ZNF397: variants seen among roughly 807,000 people sequenced by gnomAD.
ZNF397 encodes zinc finger and SCAN domain-containing protein 15.
In ZNF397, 38 loss-of-function variants were observed where a neutral mutation model predicts 50.6. The ratio of observed to expected loss-of-function variants is 0.75; its 90% confidence interval spans 0.58 to 0.98. The LOEUF (loss-of-function observed/expected upper bound fraction) is 0.98. Ranked by LOEUF, ZNF397 falls within the 50% of genes least tolerant of loss-of-function variation. The probability of loss-of-function intolerance (pLI) is 0.00; values close to 1 mark genes in which losing one functional copy is unlikely to be tolerated. For missense variants in ZNF397, 624 were observed against 624.1 expected (o/e 1.00, Z 0.00); for synonymous variants, 228 against 215.2 (o/e 1.06, Z -0.52).
rs1391052144 is a variant in ZNF397, at chr18:35,245,349, T to C, written c.644T>C (p.Ile215Thr). The change falls in exon 4 of 4, where the codon ATT becomes ACT. Residue 215 changes from isoleucine to threonine, a missense_variant. Physicochemically the swap from Ile to Thr is moderately conservative, Grantham distance 89. Transcript: ENST00000330501. ...CCTCAGGAACCTTCATTTCGAGGAA[T>C]TAGTGAGCATGAAAGCAATTTAGTG... ...GLPQEPSFRG[I>T]SEHESNLVWK... 6.2e-7 allele frequency: 1 copy of C among 1,612,312 alleles called. No individual in the cohort carries two copies. Among genetic ancestry groups the C allele is most frequent in the Non-Finnish European group, 8.5e-7 (1 of 1,179,046 alleles).
chr18:35,253,415 T>A (rs753604458), downstream of ZNF397: 1 of 1,513,620 alleles, frequency 6.6e-7, no homozygotes, highest in Admixed American at 2.2e-5. Flanking sequence ...GTGAACTCCT[T>A]GCATTTCACA....
At chr18:35,253,530 A>G, downstream of ZNF397, 9 of 1,613,540 alleles carry the variant, frequency 5.6e-6, no homozygotes, top group Non-Finnish European at 7.6e-6. Flanking sequence ...CTACATTCAT[A>G]AGGCTTCTCT....
chr18:35,243,390 G>A lies in ZNF397; in HGVS notation c.556+97G>A, dbSNP rs950154892. ...CACTTGACAAACTTGCCACATGTGAGCATCACCTTTATTATTCTAAACCAG... is the reference window on the plus strand; with the variant it reads ...CACTTGACAAACTTGCCACATGTGAACATCACCTTTATTATTCTAAACCAG... On this transcript the variant is annotated intron_variant, in intron 3 of 3. Transcript: ENST00000330501. 1.9e-6 allele frequency: 3 copies of A among 1,565,658 alleles called. No homozygotes were observed. In the African/African-American group the frequency reaches 4.1e-5, roughly 21 times the overall value.
At chr18:35,241,308 C>G (rs1009106148) in intron 1 of ZNF397, 199 bp downstream of exon 1, 16 of 152,202 alleles carry the variant, frequency 1.1e-4, no homozygotes, top group African/African-American at 3.6e-4. Context: ...TTCCGCTGAC[C>G]CCGTGACTTC....
intron 2 of ZNF397, 95 bp downstream of exon 2, chr18:35,242,979 C>T: frequency 6.7e-7 from 1 of 1,499,084 alleles, no homozygotes; most frequent in South Asian, 1.3e-5. Context: ...TATGTCTCTA[C>T]TGAACCCTAA....
chr18:35,250,202 T>C (rs2143625235), downstream of ZNF397, among the ~76,000 whole-genome samples: 1 of 152,272 alleles, frequency 6.6e-6, no homozygotes. Context: ...CTTTGATTAT[T>C]AGAGTTTTTC....
Position 35,245,891 on chromosome 18 carries a change from CCTT to C in ZNF397, c.1187_1189del (p.Pro396_Tyr397delinsHis). On this transcript the variant is annotated inframe_deletion, in exon 4 of 4. Transcript: ENST00000330501. ...TCAAAGAATTCACACTGGTGAGAAA[CCTT>C]ATGAGTGTAATGAATGTGGGAAAAC... 1.9e-6 allele frequency: 3 copies of C among 1,562,012 alleles called. No individual in the cohort carries two copies. The highest frequency in any genetic ancestry group is 2.6e-6 in the Non-Finnish European group (3 of 1,153,104).
At chr18:35,243,409 A>G in intron 3 of ZNF397, 116 bp downstream of exon 3, 1 of 1,488,366 alleles carries the variant, frequency 6.7e-7, no homozygotes, top group Non-Finnish European at 9.3e-7. Context: ...TTATTATTCT[A>G]AACCAGAGGT....
At position 35,245,907 on chromosome 18, in the gene ZNF397, A is replaced by G; in HGVS notation, c.1202A>G (p.Glu401Gly). The change falls in exon 4 of 4, where the codon GAA (glutamate) becomes GGA (glycine). Residue 401 changes from glutamate (E) to glycine (G), a missense_variant. Physicochemically the swap from Glu to Gly is moderately conservative, Grantham distance 98. Coordinates refer to ENST00000330501, the MANE Select transcript of ZNF397 (RefSeq NM_001135178.3). ...GGTGAGAAACCTTATGAGTGTAATGAATGTGGGAAAACCTTTAGCCAGAGC... is the reference window on the plus strand; with the variant it reads ...GGTGAGAAACCTTATGAGTGTAATGGATGTGGGAAAACCTTTAGCCAGAGC... ...HTGEKPYECNECGKTFSQSSK... is the reference protein window; with the variant it reads ...HTGEKPYECNGCGKTFSQSSK... The G allele has an allele frequency of 1.3e-6, 2 of 1,567,636 alleles. No individual in the cohort carries two copies. Among genetic ancestry groups the G allele is most frequent in the Middle Eastern group, 1.7e-4 (1 of 6,010 alleles).
At position 35,249,432 on chromosome 18, in the gene ZNF397, A is replaced by G. The variant is rs1012163015; in HGVS notation, c.*3122A>G. On this transcript the variant is annotated 3_prime_UTR_variant, in exon 4 of 4. Transcript: ENST00000330501. ...TTTGGGAGGCTGAGGCGGGTGGATC[A>G]CCTGAGATCAGGAGTTCGAGACCAG... 6.6e-6 allele frequency: 1 copy of G among 152,148 alleles called. No individual in the cohort carries two copies. Among genetic ancestry groups the G allele is most frequent in the Non-Finnish European group, 1.5e-5 (1 of 68,072 alleles). 9.4% of individuals were successfully genotyped at this position (152,148 alleles called of 1,614,324 possible). A position where few individuals can be genotyped will look rare whatever the true frequency, so the allele number is the denominator to read the frequency against.
Position 35,247,696 on chromosome 18 carries a change from T to G in ZNF397, c.*1386T>G, listed in dbSNP as rs1662352975. On this transcript the variant is annotated 3_prime_UTR_variant, in exon 4 of 4. Coordinates refer to ENST00000330501, the MANE Select transcript of ZNF397 (RefSeq NM_001135178.3). Reference sequence around the variant, plus strand: ...TTTTTTTTTTTTTTTTTTTTTGAGATGGAGTTCGCTCTTGTCCAGGCTGGA... The same window carrying G: ...TTTTTTTTTTTTTTTTTTTTTGAGAGGGAGTTCGCTCTTGTCCAGGCTGGA... The G allele has an allele frequency of 8.5e-6, 1 of 117,188 alleles. No individual in the cohort carries two copies. The highest frequency in any genetic ancestry group is 2.6e-4 in the South Asian group (1 of 3,884). 7.3% of individuals were successfully genotyped at this position (117,188 alleles called of 1,614,324 possible).
chr18:35,251,318 A>G (rs530974773), downstream of ZNF397: 25 of 152,274 alleles, frequency 1.6e-4, no homozygotes, highest in Non-Finnish European at 2.9e-4. Context: ...CACAATCAGG[A>G]GAAAAACCTA....
rs2043486547 is a variant in ZNF397, at chr18:35,246,583, G to A, written c.*273G>A. 3.3e-6 allele frequency: 4 copies of A among 1,205,908 alleles called. No homozygotes were observed. The highest frequency in any genetic ancestry group is 8.3e-5 in the Admixed American group (2 of 24,038). The allele number at this position is 1,205,908 out of a possible 1,614,324, so 74.7% of individuals were successfully genotyped here. A position where few individuals can be genotyped will look rare whatever the true frequency, so the allele number is the denominator to read the frequency against. On this transcript the variant is annotated 3_prime_UTR_variant, in exon 4 of 4. Transcript: ENST00000330501. ...ATACGAAAAGTGGGAATGTAACATT[G>A]AAACCTCATTTTGTATGAAAGTGTC...
chr18:35,246,296 C>T lies in ZNF397; in HGVS notation c.1591C>T (p.His531Tyr), dbSNP rs1373337563. The T allele has an allele frequency of 6.5e-7, 1 of 1,541,522 alleles. No individual in the cohort carries two copies. The highest frequency in any genetic ancestry group is 8.7e-7 in the Non-Finnish European group (1 of 1,143,572). ...GGTCCTTATGCGCCATCAAAGAGTC[C>T]ACACTATAAAGTAATTTGTGAATAC... The part of the protein sequence containing the change: ...RSVLMRHQRV[H>Y]TIK Residue 531 changes from histidine to tyrosine, a missense_variant, in exon 4 of 4, where the codon CAC becomes TAC. Transcript: ENST00000330501.
At position 35,246,707 on chromosome 18, in the gene ZNF397, T is replaced by C; in HGVS notation, c.*397T>C. The C allele has an allele frequency of 1.1e-6, 1 of 932,538 alleles. No homozygotes were observed. The highest frequency in any genetic ancestry group is 1.2e-6 in the Non-Finnish European group (1 of 801,252). The allele number at this position is 932,538 out of a possible 1,614,324, so 57.8% of individuals were successfully genotyped here. A position where few individuals can be genotyped will look rare whatever the true frequency, so the allele number is the denominator to read the frequency against. The stretch of plus-strand genomic sequence containing the variant: ...GTGTGAGGCACTTCGTCTCAGGAAC[T>C]AAAAAAAAAAAAAAAACTGACCCAA... On this transcript the variant is annotated 3_prime_UTR_variant, in exon 4 of 4. Transcript: ENST00000330501.
downstream of ZNF397, chr18:35,258,910 T>G (rs1200679292): frequency 3.5e-5 from 4 of 115,338 alleles, no homozygotes; most frequent in African/African-American, 1.2e-4. Context: ...AAGGTCAAAG[T>G]GCAGTGTACT....
chr18:35,255,612 G>T (rs946073437), intron 5 of ZNF397, among the ~76,000 whole-genome samples: 5 of 152,042 alleles, frequency 3.3e-5, no homozygotes, highest in Admixed American at 6.5e-5. Flanking sequence ...ATTTGGCTTT[G>T]GAAAAGCATT....
At chr18:35,253,363 C>T (rs917182659), downstream of ZNF397, 17 of 1,120,670 alleles carry the variant, frequency 1.5e-5, no homozygotes, top group Non-Finnish European at 1.9e-5. Flanking sequence ...AGAAGTTCTG[C>T]TCTCAGGAAA....
Position 35,249,776 on chromosome 18 carries a change from ATATT to A in ZNF397, c.*3470_*3473del, listed in dbSNP as rs775726064. The stretch of plus-strand genomic sequence containing the variant: ...TACAGTATGATCCTATGTAAAATAT[ATATT>A]TATGTATTAAAAATACTGAAAACAT... On this transcript the variant is annotated 3_prime_UTR_variant, in exon 4 of 4. Coordinates refer to ENST00000330501, the MANE Select transcript of ZNF397 (RefSeq NM_001135178.3). 1.8e-4 allele frequency: 27 copies of A among 151,802 alleles called. No individual in the cohort carries two copies. Among genetic ancestry groups the A allele is most frequent in the African/African-American group, 5.1e-4 (21 of 41,286 alleles). 9.4% of individuals were successfully genotyped at this position (151,802 alleles called of 1,614,324 possible). A position where few individuals can be genotyped will look rare whatever the true frequency, so the allele number is the denominator to read the frequency against.
Sources: gnomAD v4.1 joint callset for allele counts (sites outside exome capture counted in the v4.1 genomes callset) on GRCh38, gnomAD v4.1.1 for gene constraint, MANE v1.5 for transcripts, NCBI Gene and HGNC (gene_info 2026-07-23, HGNC 2026-07-21) for gene names.